TRAF3IP1: variants seen among roughly 807,000 people sequenced by gnomAD.
The protein encoded by TRAF3IP1 is TRAF3-interacting protein 1.
In TRAF3IP1, 53 loss-of-function variants were observed where a neutral mutation model predicts 89.9. That is an observed-to-expected ratio of 0.59 (90% CI 0.47 to 0.74). The LOEUF (loss-of-function observed/expected upper bound fraction) is 0.74, where lower values mean the gene tolerates loss of function less well. Ranked by LOEUF, TRAF3IP1 falls within the 30% of genes least tolerant of loss-of-function variation. The probability of loss-of-function intolerance (pLI) is 0.00; values close to 1 mark genes in which losing one functional copy is unlikely to be tolerated. For missense variants in TRAF3IP1, 806 were observed against 866.1 expected (o/e 0.93, Z 0.87); for synonymous variants, 311 against 322.1 (o/e 0.97, Z 0.37).
At chr2:238,397,396 C>T (rs984314123) in intron 15 of TRAF3IP1, 63 bp from the exon 16 acceptor site, 19 of 1,481,592 alleles carry the variant, frequency 1.3e-5, no homozygotes, top group Middle Eastern at 1.7e-4. Flanking sequence ...CTGAGTGCAC[C>T]GGCCCTGTTC....
chr2:238,378,736 T>G (rs1700423673), intron 15 of TRAF3IP1, among the ~76,000 whole-genome samples: 1 of 152,124 alleles, frequency 6.6e-6, no homozygotes. Context: ...TGATGGGTGA[T>G]CTGGGTTAAG....
intron 15 of TRAF3IP1, among the ~76,000 whole-genome samples, chr2:238,396,571 G>T (rs1168949324): frequency 1.3e-5 from 2 of 150,346 alleles, no homozygotes; most frequent in Admixed American, 1.3e-4. Flanking sequence ...GAAGGAGAAA[G>T]AACTGATGTT....
At chr2:238,358,814 A>G (rs1042351031) in intron 15 of TRAF3IP1, among the ~76,000 whole-genome samples, 1 of 152,170 alleles carries the variant, frequency 6.6e-6, no homozygotes, top group African/African-American at 2.4e-5. Flanking sequence ...TACTCTATTG[A>G]TGGACATTTA....
chr2:238,380,340 A>G (rs1190983901), intron 15 of TRAF3IP1, among the ~76,000 whole-genome samples: 1 of 152,216 alleles, frequency 6.6e-6, no homozygotes, highest in Non-Finnish European at 1.5e-5. Flanking sequence ...GTTCCTGTGC[A>G]CAACGACTGA....
intron 5 of TRAF3IP1, 24 bp from the exon 6 acceptor site, chr2:238,332,800 T>C: frequency 1.9e-6 from 3 of 1,549,642 alleles, no homozygotes; most frequent in South Asian, 1.2e-5. Context: ...ATTCTAAAGT[T>C]TGAATTTTTT....
Position 238,347,331 on chromosome 2 carries a change from C to CT in TRAF3IP1, c.1262-117dup, listed in dbSNP as rs1427090662. ...AGAAAAGCGGCTATGAGGAAATGAT[C>CT]TTTTTTTCTTAGCAGACATCCAAAA... On this transcript the variant is annotated intron_variant, in intron 9 of 16. Transcript: ENST00000373327. 8.0e-6 allele frequency: 8 copies of CT among 998,922 alleles called. No homozygotes were observed. The Admixed American group carries it at 1.6e-4, about 21-fold the overall frequency. The allele number at this position is 998,922 out of a possible 1,614,324, so 61.9% of individuals were successfully genotyped here. A position where few individuals can be genotyped will look rare whatever the true frequency, so the allele number is the denominator to read the frequency against.
rs1052995779 is a variant in TRAF3IP1, at chr2:238,353,996, A to G, written c.1612+787A>G. ...GCTACGTTGGCCAGGCTGGTCTCCAATTTCTAACCTCAAGTGATCCACCCG... is the reference window on the plus strand; with the variant it reads ...GCTACGTTGGCCAGGCTGGTCTCCAGTTTCTAACCTCAAGTGATCCACCCG... On this transcript the variant is annotated intron_variant, in intron 14 of 16. Coordinates refer to ENST00000373327, the MANE Select transcript of TRAF3IP1 (RefSeq NM_015650.4). Among the ~76,000 whole-genome samples the G allele has an allele frequency of 6.6e-5, 10 of 152,280 alleles. No homozygotes were observed. The East Asian group carries it at 7.7e-4, about 12-fold the overall frequency.
Position 238,320,610 on chromosome 2 carries a change from C to T in TRAF3IP1, c.-53C>T. The T allele has an allele frequency of 3.3e-6, 4 of 1,201,880 alleles. No homozygotes were observed. Among genetic ancestry groups the T allele is most frequent in the Non-Finnish European group, 4.2e-6 (4 of 956,352 alleles). The allele number at this position is 1,201,880 out of a possible 1,614,324, so 74.5% of individuals were successfully genotyped here. A position where few individuals can be genotyped will look rare whatever the true frequency, so the allele number is the denominator to read the frequency against. ...CGGCGGCCAGGGACCCGGGCTTAGG[C>T]TCGGCCAGGCCGGCTGAGGGGCGCG... On this transcript the variant is annotated 5_prime_UTR_variant, in exon 1 of 17. Transcript: ENST00000373327.
chr2:238,396,807 T>G (rs918834160), intron 15 of TRAF3IP1, among the ~76,000 whole-genome samples: 4 of 152,182 alleles, frequency 2.6e-5, no homozygotes, highest in Non-Finnish European at 5.9e-5. Context: ...CCCTGACCCC[T>G]GGACTCTGTG....
intron 5 of TRAF3IP1, 143 bp downstream of exon 5, chr2:238,329,485 A>C: frequency 4.0e-6 from 3 of 755,138 alleles, no homozygotes; most frequent in Non-Finnish European, 3.7e-6. Context: ...TTGGATTCTC[A>C]ATAGAAACCC....
chr2:238,350,145 T>A (rs1574925159), intron 12 of TRAF3IP1, among the ~76,000 whole-genome samples: 1 of 151,956 alleles, frequency 6.6e-6, no homozygotes, highest in African/African-American at 2.4e-5. Context: ...TCAGATCAAA[T>A]AAGAGGCAGG....
chr2:238,324,066 T>A (rs1335037283), intron 1 of TRAF3IP1, among the ~76,000 whole-genome samples: 5 of 152,226 alleles, frequency 3.3e-5, no homozygotes, highest in Admixed American at 1.3e-4. Context: ...AAATTCCTTT[T>A]CTTTTCTTTC....
chr2:238,332,257 G>A (rs184719731), intron 5 of TRAF3IP1, among the ~76,000 whole-genome samples: 1 of 152,334 alleles, frequency 6.6e-6, no homozygotes, highest in East Asian at 1.9e-4. Context: ...CTTCTACTCT[G>A]AGATATGTCT....
intron 13 of TRAF3IP1, 69 bp from the exon 14 acceptor site, chr2:238,353,104 C>G: frequency 1.3e-6 from 2 of 1,592,056 alleles, no homozygotes; most frequent in African/African-American, 2.7e-5. Context: ...TTTTTGAGAT[C>G]CACAGAAGCA....
chr2:238,376,079 C>T (rs527999805), intron 15 of TRAF3IP1, among the ~76,000 whole-genome samples: 2 of 152,164 alleles, frequency 1.3e-5, no homozygotes, highest in Non-Finnish European at 2.9e-5. Flanking sequence ...TATTTTCAGC[C>T]ATGAGAACCA....
chr2:238,367,881 C>A (rs1359272464), intron 15 of TRAF3IP1, among the ~76,000 whole-genome samples: 1 of 152,160 alleles, frequency 6.6e-6, no homozygotes, highest in African/African-American at 2.4e-5. Context: ...GCCTCCCTGT[C>A]TCAGTGCGGG....
chr2:238,375,195 T>G (rs2106356517), intron 15 of TRAF3IP1, among the ~76,000 whole-genome samples: 1 of 152,366 alleles, frequency 6.6e-6, no homozygotes, highest in East Asian at 1.9e-4. Context: ...TTGCTCTTGC[T>G]TCTCTCATTC....
chr2:238,321,685 C>T (rs1697555410), intron 1 of TRAF3IP1, among the ~76,000 whole-genome samples: 2 of 152,292 alleles, frequency 1.3e-5, no homozygotes, highest in South Asian at 4.1e-4. Context: ...CGTGGTAACT[C>T]CCTGGTAACT....
intron 1 of TRAF3IP1, among the ~76,000 whole-genome samples, chr2:238,321,010 G>T (rs1697507316): frequency 6.6e-6 from 1 of 151,730 alleles, no homozygotes; most frequent in Admixed American, 6.5e-5. Context: ...TGTGGGCCGG[G>T]CACAGGGTGC....
Sources: gnomAD v4.1 joint callset for allele counts (sites outside exome capture counted in the v4.1 genomes callset) on GRCh38, gnomAD v4.1.1 for gene constraint, MANE v1.5 for transcripts, NCBI Gene and HGNC (gene_info 2026-07-23, HGNC 2026-07-21) for gene names.